The following SORCS2 variants were observed in gnomAD, a reference collection of about 807,000 sequenced individuals.
SORCS2 encodes the protein VPS10 domain-containing receptor SorCS2.
Under a neutral mutation model 141.6 loss-of-function variants are expected in SORCS2, and 100 were observed. That is an observed-to-expected ratio of 0.71 (90% CI 0.60 to 0.83). SORCS2 has a LOEUF of 0.83. Ranked by LOEUF, SORCS2 falls within the 40% of genes least tolerant of loss-of-function variation. The probability of loss-of-function intolerance (pLI) is 0.00; values close to 1 mark genes in which losing one functional copy is unlikely to be tolerated. For synonymous variants in SORCS2, 789 were observed against 676.9 expected, an observed-to-expected ratio of 1.17 and a Z score of -2.57; for missense variants, 1,646 against 1,560.2, an observed-to-expected ratio of 1.05 and a Z score of -0.93.
chr4:7,493,700 G>A (rs182736904), intron 2 of SORCS2, among the ~76,000 whole-genome samples: 45 of 152,298 alleles, frequency 3.0e-4, no homozygotes, highest in Non-Finnish European at 1.2e-4. Context: ...AGAAGGGCTG[G>A]GCTCCAGCTG....
intron 2 of SORCS2, among the ~76,000 whole-genome samples, chr4:7,453,946 A>T (rs1258298087): frequency 1.9e-4 from 10 of 53,462 alleles, no homozygotes; most frequent in East Asian, 5.2e-4. Context: ...TGGGGTCAGG[A>T]GCTGTGTGTT....
intron 1 of SORCS2, among the ~76,000 whole-genome samples, chr4:7,247,173 CAGGT>C (rs1713152723): frequency 6.6e-6 from 1 of 152,186 alleles, no homozygotes; most frequent in Non-Finnish European, 1.5e-5. Flanking sequence ...CCAGGTGTGG[CAGGT>C]AGGAGCACGG....
chr4:7,642,153 G>A (rs1244060591), intron 4 of SORCS2, among the ~76,000 whole-genome samples: 1 of 152,218 alleles, frequency 6.6e-6, no homozygotes, highest in Non-Finnish European at 1.5e-5. Context: ...CCTTTGCCAT[G>A]GCTCTCGACA....
intron 5 of SORCS2, among the ~76,000 whole-genome samples, chr4:7,660,155 A>G (rs1722060662): frequency 6.6e-6 from 1 of 152,178 alleles, no homozygotes; most frequent in African/African-American, 2.4e-5. Context: ...TGCAGCACAG[A>G]CTCAGGACCT....
chr4:7,403,961 GTATATATATA>G lies in SORCS2; in HGVS notation c.548+7634_548+7643del, dbSNP rs71635960. On this transcript the variant is annotated intron_variant, in intron 2 of 26. Coordinates refer to ENST00000507866, the MANE Select transcript of SORCS2 (RefSeq NM_020777.3). ...TGTCATTTTCTCTGCCTCCATGTGT[GTATATATATA>G]TATATATATATATATATATATATAT... 5.0e-4 allele frequency among the ~76,000 whole-genome samples: 15 copies of G among 29,902 alleles called. No individual in the cohort carries two copies. In the South Asian group the frequency reaches 7.1e-3, roughly 14 times the overall value. 19.6% of individuals were successfully genotyped at this position (29,902 alleles called of 152,430 possible). A position where few individuals can be genotyped will look rare whatever the true frequency, so the allele number is the denominator to read the frequency against.
intron 1 of SORCS2, among the ~76,000 whole-genome samples, chr4:7,234,254 C>T (rs951890039): frequency 3.3e-5 from 5 of 152,220 alleles, no homozygotes; most frequent in Non-Finnish European, 4.4e-5. Flanking sequence ...AGAATAGTAG[C>T]GTGGGCTTTG....
chr4:7,231,374 C>A lies in SORCS2; in HGVS notation c.480+38248C>A, dbSNP rs1711870585. Among the ~76,000 whole-genome samples the A allele has an allele frequency of 4.6e-5, 7 of 152,352 alleles. No individual in the cohort carries two copies. In the South Asian group the frequency reaches 1.5e-3, roughly 32 times the overall value. On this transcript the variant is annotated intron_variant, in intron 1 of 26. Transcript: ENST00000507866. ...ATACATTAATCTCATTCAAATACAC[C>A]CCTGCAGAAATACCCAGAATAATGT... is the stretch of plus-strand genomic sequence containing the variant.
chr4:7,399,038 C>T (rs544597141), intron 2 of SORCS2, among the ~76,000 whole-genome samples: 27 of 151,792 alleles, frequency 1.8e-4, no homozygotes, highest in African/African-American at 4.1e-4. Context: ...AGGAAGGGGA[C>T]GGCATCATTG....
intron 1 of SORCS2, among the ~76,000 whole-genome samples, chr4:7,324,839 C>T (rs1719136406): frequency 6.6e-6 from 1 of 152,190 alleles, no homozygotes; most frequent in South Asian, 2.1e-4. Context: ...CTGTCATTTT[C>T]CTTTCAAACC....
intron 3 of SORCS2, among the ~76,000 whole-genome samples, chr4:7,586,845 G>C (rs961665436): frequency 1.3e-5 from 2 of 151,906 alleles, no homozygotes; most frequent in African/African-American, 4.8e-5. Flanking sequence ...TATACTCCTC[G>C]GAGATCAGCC....
intron 1 of SORCS2, among the ~76,000 whole-genome samples, chr4:7,223,145 C>T (rs769996622): frequency 6.6e-6 from 1 of 152,150 alleles, no homozygotes; most frequent in Non-Finnish European, 1.5e-5. Context: ...GACTCATACT[C>T]GTTTTAGATC....
At chr4:7,374,174 T>TCTTCCTTTCTTC (rs1560229460) in intron 1 of SORCS2, among the ~76,000 whole-genome samples, 34 of 136,608 alleles carry the variant, frequency 2.5e-4, no homozygotes, top group African/African-American at 9.6e-4. Flanking sequence ...TTTCTTTCTT[T>TCTTCCTTTCTTC]CTTTCTTTCT....
At chr4:7,521,235 C>T (rs1325400319) in intron 2 of SORCS2, among the ~76,000 whole-genome samples, 1 of 152,120 alleles carries the variant, frequency 6.6e-6, no homozygotes, top group Admixed American at 6.5e-5. Flanking sequence ...GGGCATCCTG[C>T]TCTCTCCCTG....
chr4:7,564,126 C>T (rs1356129101), intron 3 of SORCS2, among the ~76,000 whole-genome samples: 1 of 152,232 alleles, frequency 6.6e-6, no homozygotes. Flanking sequence ...CTCCCGGCTT[C>T]ACTGAGAGAG....
chr4:7,509,860 G>C (rs760640862), intron 2 of SORCS2, among the ~76,000 whole-genome samples: 1 of 152,202 alleles, frequency 6.6e-6, no homozygotes, highest in Non-Finnish European at 1.5e-5. Context: ...GGGGGTTGGG[G>C]GTGGCCCCTT....
At chr4:7,555,960 G>A (rs768872697) in intron 3 of SORCS2, among the ~76,000 whole-genome samples, 1 of 152,260 alleles carries the variant, frequency 6.6e-6, no homozygotes, top group African/African-American at 2.4e-5. Context: ...CCAGCACAGG[G>A]TGCTTCTGCA....
chr4:7,491,962 C>T (rs2109402902), intron 2 of SORCS2, among the ~76,000 whole-genome samples: 1 of 152,328 alleles, frequency 6.6e-6, no homozygotes, highest in East Asian at 1.9e-4. Flanking sequence ...GGCCACCACC[C>T]TTTCCATCCA....
intron 2 of SORCS2, among the ~76,000 whole-genome samples, chr4:7,443,009 C>T (rs954002472): frequency 1.3e-5 from 2 of 152,204 alleles, no homozygotes; most frequent in Admixed American, 1.3e-4. Context: ...TTGCTCTAGC[C>T]TCTGCCTCTG....
At chr4:7,205,317 C>T (rs1577272977) in intron 1 of SORCS2, among the ~76,000 whole-genome samples, 1 of 152,196 alleles carries the variant, frequency 6.6e-6, no homozygotes, top group East Asian at 1.9e-4. Flanking sequence ...CTGCCCATCC[C>T]AATCCTGGAG....
Sources: gnomAD v4.1 joint callset for allele counts (sites outside exome capture counted in the v4.1 genomes callset) on GRCh38, gnomAD v4.1.1 for gene constraint, MANE v1.5 for transcripts, NCBI Gene and HGNC (gene_info 2026-07-23, HGNC 2026-07-21) for gene names.